The following TMEM237 variants were observed in gnomAD, a reference collection of about 807,000 sequenced individuals.
The protein encoded by TMEM237 is amyotrophic lateral sclerosis 2 (juvenile) chromosome region, candidate 4.
Under a neutral mutation model 59.1 loss-of-function variants are expected in TMEM237, and 51 were observed. The ratio of observed to expected loss-of-function variants is 0.86; its 90% CI spans 0.69 to 1.09. TMEM237 has a LOEUF of 1.09. TMEM237 is among the 50% of genes least tolerant of loss of function. The probability of loss-of-function intolerance (pLI) is 0.00; values close to 1 mark genes in which losing one functional copy is unlikely to be tolerated. For missense variants in TMEM237, 475 were observed against 478.3 expected (o/e 0.99, Z 0.06); for synonymous variants, 140 against 166.1 (o/e 0.84, Z 1.21).
chr2:201,642,824 C>T (rs1687457535), intron 1 of TMEM237: 1 of 1,347,580 alleles, frequency 7.4e-7, no homozygotes. Flanking sequence ...CTAGCCCTGC[C>T]AAAAAGGGGG....
intron 7 of TMEM237, 77 bp from the exon 8 acceptor site, chr2:201,629,929 C>A: frequency 1.3e-6 from 2 of 1,554,998 alleles, no homozygotes; most frequent in Non-Finnish European, 1.7e-6. Flanking sequence ...AAATTCCATA[C>A]TCAGGAAGCC....
At chr2:201,642,641 G>C in intron 1 of TMEM237, 1 of 1,607,796 alleles carries the variant, frequency 6.2e-7, no homozygotes, top group Non-Finnish European at 8.5e-7. Context: ...CGTTTAGCCG[G>C]CCTCGGCGGC....
chr2:201,624,796 T>G (rs1435322782), intron 12 of TMEM237, among the ~76,000 whole-genome samples: 1 of 152,212 alleles, frequency 6.6e-6, no homozygotes, highest in Admixed American at 6.5e-5. Flanking sequence ...CATCTCATTT[T>G]ATACTTACTT....
chr2:201,635,975 C>T lies in TMEM237; in HGVS notation c.274+773G>A, dbSNP rs760844851. ...TATATTTTACAAAAATGGGATCCTC[C>T]AATACATACTATTTTATAACCTTTG... is the stretch of plus-strand genomic sequence containing the variant. On this transcript the variant is annotated intron_variant, in intron 5 of 12. Transcript: ENST00000409883. This position sits in a 1 kb window ranked among gnomAD's most constrained non-coding sequence, Gnocchi z 4.5. 2.6e-5 allele frequency among the ~76,000 whole-genome samples: 4 copies of T among 152,144 alleles called. No individual in the cohort carries two copies. Among genetic ancestry groups the T allele is most frequent in the Non-Finnish European group, 4.4e-5 (3 of 68,032 alleles).
intron 3 of TMEM237, among the ~76,000 whole-genome samples, chr2:201,639,752 C>T (rs535250591): frequency 2.6e-5 from 4 of 152,080 alleles, no homozygotes; most frequent in Non-Finnish European, 5.9e-5. Context: ...GCCGAGATCA[C>T]ACCACTGCAC....
rs970880415 is a variant in TMEM237 at position 201,643,381 on chromosome 2, G to C, written c.20C>G (p.Ala7Gly). 6.5e-7 allele frequency: 1 copy of C among 1,545,846 alleles called. No homozygotes were observed. Among genetic ancestry groups the C allele is most frequent in the Non-Finnish European group, 8.7e-7 (1 of 1,145,008 alleles). The change falls in exon 1 of 13, where the codon GCT becomes GGT. Residue 7 changes from alanine to glycine, a missense_variant. Coordinates refer to ENST00000409883, the MANE Select transcript of TMEM237 (RefSeq NM_001044385.3). This position sits in a 1 kb window ranked among gnomAD's most constrained non-coding sequence, Gnocchi z 4.3. ...CACCAGGTGGCCCTCCTCCAGCCGA[G>C]CCCCCGAGTCAGTCCTCATGGTGCT... MRTDSG[A>G]RLEEGHLRPP...
intron 4 of TMEM237, among the ~76,000 whole-genome samples, chr2:201,637,203 T>C (rs1228740569): frequency 6.6e-6 from 1 of 152,216 alleles, no homozygotes; most frequent in Non-Finnish European, 1.5e-5. Context: ...TAATAAAAAC[T>C]GATACCATAG....
intron 5 of TMEM237, among the ~76,000 whole-genome samples, chr2:201,633,925 G>T (rs1425300021): frequency 6.6e-6 from 1 of 152,202 alleles, no homozygotes; most frequent in African/African-American, 2.4e-5. Flanking sequence ...TGTGACACAT[G>T]TTGTACAAAA....
At chr2:201,638,297 T>G (rs150549040) in intron 4 of TMEM237, among the ~76,000 whole-genome samples, 28 of 152,330 alleles carry the variant, frequency 1.8e-4, no homozygotes, top group African/African-American at 6.5e-4. Flanking sequence ...CAGAAACCTT[T>G]TAGGAGTGTG....
Position 201,643,021 on chromosome 2 carries a change from C to G in TMEM237, c.42+338G>C, listed in dbSNP as rs1170066849. On this transcript the variant is annotated intron_variant, in intron 1 of 12. Transcript: ENST00000409883. The surrounding 1 kb of genome is among the most constrained non-coding windows in gnomAD (Gnocchi z 4.3). ...TCTTCTGGGCAGCTACAGACCTCTC[C>G]TCGGAGGAGTCTAGGAGAGGCCTGG... is the stretch of plus-strand genomic sequence containing the variant. 13 of 1,290,498 alleles carry G rather than the reference C, an allele frequency of 1.0e-5. No homozygotes were observed. Among genetic ancestry groups the G allele is most frequent in the South Asian group, 2.1e-5 (1 of 48,362 alleles). 79.9% of individuals were successfully genotyped at this position (1,290,498 alleles called of 1,614,324 possible).
intron 7 of TMEM237, among the ~76,000 whole-genome samples, 153 bp downstream of exon 7, chr2:201,631,898 C>A (rs1214150993): frequency 1.3e-5 from 2 of 152,194 alleles, no homozygotes; most frequent in Non-Finnish European, 2.9e-5. Context: ...TCCAGTTTTT[C>A]ACTCTCATGA....
chr2:201,643,053 G>A lies in TMEM237; in HGVS notation c.42+306C>T, dbSNP rs1574589600. Reference sequence around the variant, plus strand: ...GAGTCTAGGAGAGGCCTGGCTGGAAGCCCCGGCACCCGCCGGGCCCCGGGC... The same window carrying A: ...GAGTCTAGGAGAGGCCTGGCTGGAAACCCCGGCACCCGCCGGGCCCCGGGC... On this transcript the variant is annotated intron_variant, in intron 1 of 12. Transcript: ENST00000409883. This position sits in a 1 kb window ranked among gnomAD's most constrained non-coding sequence, Gnocchi z 4.3. 4.1e-6 allele frequency: 5 copies of A among 1,230,306 alleles called. No homozygotes were observed. The highest frequency in any genetic ancestry group is 5.2e-6 in the Non-Finnish European group (5 of 955,904). The allele number at this position is 1,230,306 out of a possible 1,614,324, so 76.2% of individuals were successfully genotyped here.
intron 9 of TMEM237, 81 bp from the exon 10 acceptor site, chr2:201,628,230 T>C (rs967977990): frequency 4.1e-6 from 4 of 969,670 alleles, no homozygotes; most frequent in Non-Finnish European, 6.3e-6. Context: ...GTTTTTTCCT[T>C]CTCTAGTCTA....
At chr2:201,629,568 T>C in intron 8 of TMEM237, 147 bp from the exon 9 acceptor site, 1 of 1,267,452 alleles carries the variant, frequency 7.9e-7, no homozygotes, top group East Asian at 2.6e-5. Flanking sequence ...CACTGATAGG[T>C]AGATCACTCA....
At chr2:201,624,362 C>T (rs1340411817) in intron 12 of TMEM237, 40 bp from the exon 13 acceptor site, 5 of 1,499,892 alleles carry the variant, frequency 3.3e-6, no homozygotes, top group Non-Finnish European at 4.6e-6. Flanking sequence ...AAAATTGTTT[C>T]CCAGTACCTC....
intron 3 of TMEM237, among the ~76,000 whole-genome samples, chr2:201,639,736 C>T (rs1687377119): frequency 6.6e-6 from 1 of 151,886 alleles, no homozygotes; most frequent in Non-Finnish European, 1.5e-5. Context: ...GCAGAGATTG[C>T]AGTGAGCCGA....
At chr2:201,631,903 T>G in intron 7 of TMEM237, 148 bp downstream of exon 7, 2 of 773,562 alleles carry the variant, frequency 2.6e-6, no homozygotes, top group Non-Finnish European at 4.0e-6. Flanking sequence ...TTTTTCACTC[T>G]CATGAATCAT....
chr2:201,627,833 AAAGT>A (rs1488421729), intron 10 of TMEM237, among the ~76,000 whole-genome samples: 2 of 152,194 alleles, frequency 1.3e-5, no homozygotes, highest in African/African-American at 2.4e-5. Flanking sequence ...CAAAAGTTAA[AAAGT>A]AAGTAATATA....
chr2:201,641,866 G>C (rs1051298078), intron 1 of TMEM237, among the ~76,000 whole-genome samples: 2 of 152,078 alleles, frequency 1.3e-5, no homozygotes, highest in Non-Finnish European at 2.9e-5. Context: ...GTTAAATTGG[G>C]CTTGGAATGT....
Sources: allele counts gnomAD v4.1 joint callset (sites outside exome capture counted in the v4.1 genomes callset), GRCh38; gene constraint gnomAD v4.1.1; non-coding constraint Gnocchi (gnomAD v3.1); transcripts MANE v1.5; gene names NCBI Gene and HGNC (gene_info 2026-07-23, HGNC 2026-07-21).